MYO5A: variants seen among roughly 807,000 people sequenced by gnomAD.
The protein encoded by MYO5A is myosin VA.
MYO5A carries 98 observed loss-of-function variants against 249.7 expected under a neutral mutation model. That is an observed-to-expected ratio of 0.39 (90% CI 0.33 to 0.46). The LOEUF (loss-of-function observed/expected upper bound fraction) is 0.46, where lower values mean the gene tolerates loss of function less well. Among genes scored for constraint, MYO5A ranks in the 20% least tolerant of loss-of-function variants. The probability of loss-of-function intolerance (pLI) is 0.98; values close to 1 mark genes in which losing one functional copy is unlikely to be tolerated. For missense variants in MYO5A, 1,696 were observed against 2,308.8 expected (o/e 0.73, Z 5.44); for synonymous variants, 778 against 810.6 (o/e 0.96, Z 0.68).
intron 3 of MYO5A, among the ~76,000 whole-genome samples, chr15:52,426,249 T>G (rs2141283665): frequency 6.6e-6 from 1 of 152,218 alleles, no homozygotes; most frequent in South Asian, 2.1e-4. Flanking sequence ...CTTCATATAT[T>G]TAATCCAAAA....
chr15:52,408,216 T>A, intron 6 of MYO5A, 76 bp from the exon 7 acceptor site: 1 of 815,916 alleles, frequency 1.2e-6, no homozygotes, highest in Non-Finnish European at 2.1e-6. Context: ...AATAAGATTT[T>A]AATATTTAAT....
At chr15:52,478,370 G>A (rs879665824) in intron 1 of MYO5A, among the ~76,000 whole-genome samples, 5 of 152,154 alleles carry the variant, frequency 3.3e-5, no homozygotes, top group Admixed American at 1.3e-4. Context: ...TGGGTGAGGC[G>A]ATGCCTCACC....
chr15:52,380,328 T>C (rs7174068), intron 16 of MYO5A, among the ~76,000 whole-genome samples: 104,358 of 151,286 alleles, frequency 0.69, 37,172 homozygotes, highest in Admixed American at 0.77. Context: ...CCCAGCTACT[T>C]GGGAGGCTGA....
chr15:52,490,760 CGAGG>C (rs1345756039), intron 1 of MYO5A, among the ~76,000 whole-genome samples: 6 of 151,952 alleles, frequency 3.9e-5, no homozygotes, highest in African/African-American at 1.5e-4. Flanking sequence ...ATTCTGTTGC[CGAGG>C]CTGGAGTGCA....
At chr15:52,528,154 T>A (rs758759308) in intron 1 of MYO5A, among the ~76,000 whole-genome samples, 6 of 152,134 alleles carry the variant, frequency 3.9e-5, no homozygotes, top group Non-Finnish European at 7.4e-5. Context: ...ACACGCAGGT[T>A]GCAAACTCCC....
Position 52,377,574 on chromosome 15 carries a change from C to CTTT in MYO5A, c.2209-1019_2209-1017dup, listed in dbSNP as rs71130155. On this transcript the variant is annotated intron_variant, in intron 18 of 41. Coordinates refer to ENST00000399233, the MANE Select transcript of MYO5A (RefSeq NM_001382347.1). Reference sequence around the variant, plus strand: ...AGAATCATTACTGTGACCTGGAATTCTTTTTTTTTTTTTTTGAGATGAGTC... The same window carrying CTTT: ...AGAATCATTACTGTGACCTGGAATTCTTTTTTTTTTTTTTTTTTGAGATGAGTC... Among the ~76,000 whole-genome samples, 25 of 139,894 alleles carry CTTT rather than the reference C, an allele frequency of 1.8e-4. No homozygotes were observed. In the South Asian group the frequency reaches 2.0e-3, roughly 11 times the overall value. 91.8% of individuals were successfully genotyped at this position (139,894 alleles called of 152,430 possible).
chr15:52,415,143 T>C (rs1209203154), intron 5 of MYO5A, among the ~76,000 whole-genome samples: 1 of 152,132 alleles, frequency 6.6e-6, no homozygotes, highest in Non-Finnish European at 1.5e-5. Context: ...CAAAAACCAC[T>C]TGTACCACAG....
intron 1 of MYO5A, among the ~76,000 whole-genome samples, chr15:52,445,039 G>T (rs1030512082): frequency 1.3e-5 from 2 of 151,412 alleles, no homozygotes; most frequent in South Asian, 2.1e-4. Context: ...CCAGCTTTGG[G>T]AATCGACACT....
intron 1 of MYO5A, among the ~76,000 whole-genome samples, chr15:52,460,681 CTCCAGAAATT>C (rs1446431326): frequency 7.2e-6 from 1 of 138,756 alleles, no homozygotes; most frequent in Non-Finnish European, 1.6e-5. Context: ...GAGGGCGAGG[CTCCAGAAATT>C]TTTTGTAGCG....
intron 1 of MYO5A, among the ~76,000 whole-genome samples, chr15:52,521,762 A>C (rs1171235954): frequency 6.6e-6 from 1 of 152,242 alleles, no homozygotes. Context: ...AGGGCTTAGA[A>C]GAGAAATGGA....
At chr15:52,346,323 T>A (rs1269245219) in intron 30 of MYO5A, 38 bp downstream of exon 30, 1 of 1,295,058 alleles carries the variant, frequency 7.7e-7, no homozygotes, top group Non-Finnish European at 1.1e-6. Context: ...AAGATCAATA[T>A]AATTAAACCA....
At chr15:52,383,737 G>A (rs369354200) in intron 15 of MYO5A, among the ~76,000 whole-genome samples, 6 of 152,146 alleles carry the variant, frequency 3.9e-5, no homozygotes, top group African/African-American at 1.4e-4. Flanking sequence ...GGAGCGCTCA[G>A]CCTCCATTCA....
intron 4 of MYO5A, 30 bp from the exon 5 acceptor site, chr15:52,416,331 C>G (rs1447495077): frequency 6.2e-7 from 1 of 1,601,178 alleles, no homozygotes; most frequent in South Asian, 1.1e-5. Flanking sequence ...TAAAAAGTAA[C>G]TGCCATTGCT....
At chr15:52,514,543 C>T (rs1280309784) in intron 1 of MYO5A, among the ~76,000 whole-genome samples, 3 of 152,194 alleles carry the variant, frequency 2.0e-5, no homozygotes, top group Non-Finnish European at 4.4e-5. Context: ...GCAAAGTTGG[C>T]AAGCTCCTCA....
intron 4 of MYO5A, among the ~76,000 whole-genome samples, chr15:52,420,413 T>C (rs1389177867): frequency 6.6e-6 from 1 of 152,008 alleles, no homozygotes; most frequent in Non-Finnish European, 1.5e-5. Flanking sequence ...GGCATCCTGA[T>C]GAAAGAATGA....
chr15:52,377,037 AT>A (rs2041452133), intron 18 of MYO5A, among the ~76,000 whole-genome samples: 1 of 151,514 alleles, frequency 6.6e-6, no homozygotes, highest in African/African-American at 2.4e-5. Flanking sequence ...ATCCTTGGGT[AT>A]TCATATTGAG....
At chr15:52,459,839 G>C (rs7402901) in intron 1 of MYO5A, among the ~76,000 whole-genome samples, 22,561 of 129,864 alleles carry the variant, frequency 0.17, 1,800 homozygotes, top group Middle Eastern at 0.34. Context: ...AGGGGCCCCC[G>C]ATCTCCCAGA....
chr15:52,461,907 G>C (rs1208296681), intron 1 of MYO5A, among the ~76,000 whole-genome samples: 1 of 150,832 alleles, frequency 6.6e-6, no homozygotes, highest in Non-Finnish European at 1.5e-5. Context: ...GTTGTGGTGA[G>C]CTGAGATCGC....
rs187888141 is a variant in MYO5A, at chr15:52,466,864, T to C, written c.28-33579A>G. ...AACAATTAACACAAGAGCACAGCAC[T>C]TGAGAAAGAGAAGAGCTTCTCACAA... On this transcript the variant is annotated intron_variant, in intron 1 of 41. Transcript: ENST00000399233. Among the ~76,000 whole-genome samples, 423 of 152,256 alleles carry C rather than the reference T, an allele frequency of 2.8e-3. 1 individual carries two copies. Among genetic ancestry groups the C allele is most frequent in the Non-Finnish European group, 4.8e-3 (328 of 68,014 alleles).
Sources: allele counts gnomAD v4.1 joint callset (sites outside exome capture counted in the v4.1 genomes callset), GRCh38; gene constraint gnomAD v4.1.1; transcripts MANE v1.5; gene names NCBI Gene and HGNC (gene_info 2026-07-23, HGNC 2026-07-21).